The following AGBL4 variants were observed in gnomAD, a reference collection of about 807,000 sequenced individuals.
AGBL4 encodes the protein cytosolic carboxypeptidase 6.
A neutral mutation model predicts 66.4 loss-of-function variants in AGBL4; 58 were observed. The observed-to-expected ratio is 0.87, with a 90% CI of 0.71 to 1.09. The LOEUF is 1.09. Ranked by LOEUF, AGBL4 falls within the 50% of genes least tolerant of loss-of-function variation. The pLI is 0.00. For synonymous variants in AGBL4, 234 were observed against 222.9 expected (o/e 1.05, Z -0.44); for missense variants, 579 against 631.0 (o/e 0.92, Z 0.88).
At chr1:49,617,995 C>A (rs1039907034) in intron 3 of AGBL4, among the ~76,000 whole-genome samples, 1 of 152,138 alleles carries the variant, frequency 6.6e-6, no homozygotes, top group Non-Finnish European at 1.5e-5. Context: ...CTAATGCTAT[C>A]CCTCCCCCAG....
intron 5 of AGBL4, among the ~76,000 whole-genome samples, chr1:48,987,148 AAG>A (rs1660242290): frequency 6.6e-6 from 1 of 151,988 alleles, no homozygotes; most frequent in Non-Finnish European, 1.5e-5. Context: ...AAGGAAAAAA[AAG>A]AGAAAACAGA....
At chr1:49,740,328 A>T (rs1016489618) in intron 2 of AGBL4, among the ~76,000 whole-genome samples, 73 of 152,296 alleles carry the variant, frequency 4.8e-4, no homozygotes, top group African/African-American at 1.7e-3. Flanking sequence ...GGAAAAGGGA[A>T]CAATTCAACA....
intron 1 of AGBL4, among the ~76,000 whole-genome samples, chr1:49,937,111 C>A (rs544630946): frequency 1.3e-5 from 2 of 152,162 alleles, no homozygotes; most frequent in South Asian, 2.1e-4. Flanking sequence ...TGTGCAGAGA[C>A]ACACATAGGC....
intron 5 of AGBL4, among the ~76,000 whole-genome samples, chr1:48,969,958 A>ATC (rs1289433637): frequency 6.6e-6 from 1 of 152,214 alleles, no homozygotes; most frequent in Non-Finnish European, 1.5e-5. Flanking sequence ...TATTAATTTA[A>ATC]TCTTTGAGAC....
chr1:49,040,740 T>C (rs1643917204), intron 5 of AGBL4, among the ~76,000 whole-genome samples: 1 of 152,112 alleles, frequency 6.6e-6, no homozygotes, highest in Non-Finnish European at 1.5e-5. Flanking sequence ...GGCAAATTTA[T>C]GGTGTCAGCA....
intron 1 of AGBL4, chr1:49,995,332 C>T (rs1361285212): frequency 8.8e-6 from 4 of 452,838 alleles, no homozygotes; most frequent in South Asian, 4.7e-5. Context: ...GTGAGACCAG[C>T]CTTTCAGGCT....
At chr1:48,625,891 T>C (rs998217029) in intron 9 of AGBL4, among the ~76,000 whole-genome samples, 1 of 152,158 alleles carries the variant, frequency 6.6e-6, no homozygotes, top group South Asian at 2.1e-4. Flanking sequence ...ACCATGTCTT[T>C]TATCACAGGT....
chr1:48,880,999 A>C (rs1432247106), intron 5 of AGBL4, among the ~76,000 whole-genome samples: 1 of 152,168 alleles, frequency 6.6e-6, no homozygotes, highest in Non-Finnish European at 1.5e-5. Context: ...AGACATTTAG[A>C]CTGTTATTAT....
chr1:49,375,562 A>G (rs771911155), intron 3 of AGBL4, among the ~76,000 whole-genome samples: 3 of 152,112 alleles, frequency 2.0e-5, no homozygotes, highest in Admixed American at 6.6e-5. Context: ...AAGGAAATGT[A>G]AATGCATTTC....
At chr1:48,776,674 C>G (rs1645106805) in intron 6 of AGBL4, 2 of 1,506,216 alleles carry the variant, frequency 1.3e-6, no homozygotes, top group Non-Finnish European at 1.8e-6. Context: ...GCGCGGGGGG[C>G]TCTCGGGCCC....
At chr1:49,898,594 T>G (rs1364114957) in intron 1 of AGBL4, among the ~76,000 whole-genome samples, 2 of 152,050 alleles carry the variant, frequency 1.3e-5, no homozygotes, top group Non-Finnish European at 2.9e-5. Flanking sequence ...CCATATTTTA[T>G]ACAACAATCC....
intron 6 of AGBL4, among the ~76,000 whole-genome samples, chr1:48,724,025 GA>G (rs1289034624): frequency 1.3e-5 from 2 of 152,224 alleles, no homozygotes; most frequent in Admixed American, 6.5e-5. Context: ...GGGATAAGCA[GA>G]AGATGTCCAG....
At chr1:49,738,178 G>A (rs769833611) in intron 2 of AGBL4, among the ~76,000 whole-genome samples, 9 of 152,224 alleles carry the variant, frequency 5.9e-5, no homozygotes, top group Non-Finnish European at 1.2e-4. Flanking sequence ...GGTGACTGAA[G>A]GCACCTGGAA....
At chr1:49,556,501 G>A (rs1026024385) in intron 3 of AGBL4, among the ~76,000 whole-genome samples, 2 of 127,790 alleles carry the variant, frequency 1.6e-5, no homozygotes, top group African/African-American at 6.2e-5. Context: ...AGAACTTAAA[G>A]TATAATAAAA....
chr1:49,865,515 G>A (rs1646679192), intron 1 of AGBL4, among the ~76,000 whole-genome samples: 1 of 152,104 alleles, frequency 6.6e-6, no homozygotes, highest in South Asian at 2.1e-4. Context: ...TATGGGAGAG[G>A]AGCCTGACTT....
At chr1:49,977,964 G>A (rs1433963363) in intron 1 of AGBL4, among the ~76,000 whole-genome samples, 2 of 151,998 alleles carry the variant, frequency 1.3e-5, no homozygotes, top group Admixed American at 1.3e-4. Context: ...TAATTCTGCT[G>A]GTACATATCC....
chr1:48,750,879 C>T (rs1322341203), intron 6 of AGBL4, among the ~76,000 whole-genome samples: 1 of 152,052 alleles, frequency 6.6e-6, no homozygotes, highest in Non-Finnish European at 1.5e-5. Flanking sequence ...GACTAAGGTC[C>T]TAGGACTCTA....
intron 6 of AGBL4, among the ~76,000 whole-genome samples, chr1:48,717,963 C>A (rs1443268873): frequency 6.6e-6 from 1 of 152,192 alleles, no homozygotes. Flanking sequence ...TAGCTTCTGA[C>A]ATACAGGAGT....
At chr1:49,246,931 C>T (rs1651691385) in intron 3 of AGBL4, among the ~76,000 whole-genome samples, 1 of 151,966 alleles carries the variant, frequency 6.6e-6, no homozygotes, top group Non-Finnish European at 1.5e-5. Flanking sequence ...TATATAGTAT[C>T]AAGTGACAGT....
Sources: allele counts gnomAD v4.1 joint callset (sites outside exome capture counted in the v4.1 genomes callset), GRCh38; gene constraint gnomAD v4.1.1; transcripts MANE v1.5; gene names NCBI Gene and HGNC (gene_info 2026-07-23, HGNC 2026-07-21).